The following NRDC variants were observed in gnomAD, a reference collection of about 807,000 sequenced individuals.
NRDC encodes nardilysin.
Under a neutral mutation model 147.1 loss-of-function variants are expected in NRDC, and 54 were observed. The ratio of observed to expected loss-of-function variants is 0.37; its 90% CI spans 0.29 to 0.46. The LOEUF is 0.46. Among genes scored for constraint, NRDC ranks in the 20% least tolerant of loss-of-function variants. NRDC has a pLI of 1.00. For missense variants in NRDC, 1,082 were observed against 1,370.6 expected (o/e 0.79, Z 3.33); for synonymous variants, 440 against 482.1 (o/e 0.91, Z 1.14).
intron 7 of NRDC, 83 bp downstream of exon 7, chr1:51,823,581 T>C: frequency 9.9e-7 from 1 of 1,014,628 alleles, no homozygotes; most frequent in Non-Finnish European, 1.4e-6. Context: ...TAATTAATAG[T>C]ACACTACAAC....
intron 9 of NRDC, 80 bp from the exon 10 acceptor site, chr1:51,818,215 A>G (rs1257398739): frequency 1.0e-5 from 9 of 888,480 alleles, no homozygotes; most frequent in Non-Finnish European, 1.3e-5. Context: ...AAAATTCAAT[A>G]TATTTATCCT....
rs531084802 is a variant in NRDC, at chr1:51,878,128, C to T, written c.341+147G>A. On this transcript the variant is annotated intron_variant, in intron 1 of 30. Coordinates refer to ENST00000352171, the MANE Select transcript of NRDC (RefSeq NM_001101662.2). ...GACACCACAGGGAAGCCTCTAATCA[C>T]GCTTGCCACCTCCACCCAAGGAAGC... is the stretch of plus-strand genomic sequence containing the variant. 62 of 1,417,922 alleles carry T rather than the reference C, an allele frequency of 4.4e-5. No homozygotes were observed. The East Asian group carries it at 1.1e-3, about 25-fold the overall frequency. 87.8% of individuals were successfully genotyped at this position (1,417,922 alleles called of 1,614,324 possible). A position where few individuals can be genotyped will look rare whatever the true frequency, so the allele number is the denominator to read the frequency against.
At chr1:51,867,627 C>T (rs1316053953) in intron 1 of NRDC, among the ~76,000 whole-genome samples, 1 of 152,038 alleles carries the variant, frequency 6.6e-6, no homozygotes, top group African/African-American at 2.4e-5. Flanking sequence ...TGAAAGTCAA[C>T]TGATCAAAGC....
intron 27 of NRDC, among the ~76,000 whole-genome samples, chr1:51,791,222 A>G (rs746494984): frequency 1.3e-4 from 20 of 152,172 alleles, no homozygotes; most frequent in Non-Finnish European, 2.5e-4. Context: ...TATCCTCATA[A>G]TGAAGCAGTC....
chr1:51,791,333 G>C (rs1211872914), intron 27 of NRDC, among the ~76,000 whole-genome samples: 2 of 152,188 alleles, frequency 1.3e-5, no homozygotes, highest in Admixed American at 1.3e-4. Flanking sequence ...TCTGCCTGAA[G>C]AGAAGAAACA....
intron 1 of NRDC, among the ~76,000 whole-genome samples, chr1:51,867,415 G>A (rs1682869076): frequency 6.6e-6 from 1 of 152,018 alleles, no homozygotes. Flanking sequence ...TAAAAAAAAA[G>A]AGTAAGAAAA....
chr1:51,866,033 G>A (rs1571921687), intron 1 of NRDC, among the ~76,000 whole-genome samples: 2 of 151,874 alleles, frequency 1.3e-5, no homozygotes, highest in East Asian at 1.9e-4. Context: ...CACAGCCTGG[G>A]CGACAGAGCA....
intron 21 of NRDC, chr1:51,799,179 A>C (rs1679069467): frequency 6.6e-6 from 1 of 152,168 alleles, no homozygotes; most frequent in Non-Finnish European, 1.5e-5. Context: ...CACCGTATCA[A>C]TGGTTGCAGA....
chr1:51,826,637 G>A (rs755345065), intron 5 of NRDC, among the ~76,000 whole-genome samples: 10 of 152,112 alleles, frequency 6.6e-5, no homozygotes, highest in Non-Finnish European at 1.3e-4. Flanking sequence ...TTATCAGCCG[G>A]GCGCAGTGGC....
chr1:51,790,274 A>C (rs1678543094), intron 29 of NRDC, among the ~76,000 whole-genome samples: 1 of 152,210 alleles, frequency 6.6e-6, no homozygotes, highest in Non-Finnish European at 1.5e-5. Context: ...AATCTTGTAG[A>C]CCTCAATATA....
chr1:51,818,399 T>G lies in NRDC; in HGVS notation c.1292-264A>C, dbSNP rs1272992749. Among the ~76,000 whole-genome samples, 3 of 152,214 alleles carry G rather than the reference T, an allele frequency of 2.0e-5. No individual in the cohort carries two copies. The East Asian group carries it at 5.8e-4, about 29-fold the overall frequency. On this transcript the variant is annotated intron_variant, in intron 9 of 30. Transcript: ENST00000352171. ...ATGCTGCTGTGTATGGATCTCTTCT[T>G]GCAAGAAAGGATACAAAACTAGGAG... is the stretch of plus-strand genomic sequence containing the variant.
At chr1:51,790,744 T>C (rs766698634) in intron 28 of NRDC, 95 bp from the exon 29 acceptor site, 1 of 1,013,480 alleles carries the variant, frequency 9.9e-7, no homozygotes, top group Non-Finnish European at 1.6e-6. Flanking sequence ...GTGATGGACA[T>C]GCCAGTATAA....
intron 1 of NRDC, among the ~76,000 whole-genome samples, chr1:51,853,847 T>G (rs1016954893): frequency 6.6e-6 from 1 of 152,238 alleles, no homozygotes; most frequent in Non-Finnish European, 1.5e-5. Flanking sequence ...TGACTGTCCC[T>G]AAGGACTGGT....
rs1201529185 is a variant in NRDC at position 51,790,471 on chromosome 1, G to A, written c.3168+62C>T. 6 of 987,888 alleles carry A rather than the reference G, an allele frequency of 6.1e-6. No individual in the cohort carries two copies. The African/African-American group carries it at 6.3e-5, about 10-fold the overall frequency. The allele number at this position is 987,888 out of a possible 1,614,324, so 61.2% of individuals were successfully genotyped here. On this transcript the variant is annotated intron_variant, in intron 29 of 30. Coordinates refer to ENST00000352171, the MANE Select transcript of NRDC (RefSeq NM_001101662.2). ...ACAATGCTGGTGTGCACAGACCTGT[G>A]ATGCCTGTAGAATCAGGAACCTTGA...
chr1:51,836,596 A>G (rs540363781), intron 2 of NRDC, among the ~76,000 whole-genome samples: 26 of 152,346 alleles, frequency 1.7e-4, no homozygotes, highest in African/African-American at 5.5e-4. Context: ...ATCTAGATAG[A>G]TATCTCTGAA....
chr1:51,789,701 A>G, intron 29 of NRDC, 44 bp from the exon 30 acceptor site: 1 of 1,391,130 alleles, frequency 7.2e-7, no homozygotes, highest in Non-Finnish European at 1.0e-6. Flanking sequence ...AAGAAGAAAG[A>G]TAGCTCTTAA....
chr1:51,838,845 A>G (rs1022057836), intron 2 of NRDC, among the ~76,000 whole-genome samples: 1 of 152,168 alleles, frequency 6.6e-6, no homozygotes, highest in Non-Finnish European at 1.5e-5. Flanking sequence ...AGACCTTAGC[A>G]TACAGACTAT....
In NRDC at chr1:51,810,318, G is replaced by A. The variant is rs1198775417; in HGVS notation, c.1866C>T (p.Leu622=). Residue 622 remains leucine (L), a synonymous_variant, in exon 16 of 31, where the codon CTC becomes CTT. Coordinates refer to ENST00000352171, the MANE Select transcript of NRDC (RefSeq NM_001101662.2). ...LSGANEGKCD[L]KEKWFGTQYS... is the part of the protein sequence containing the mutation. ...ATTGAGTTCCAAACCATTTCTCCTTGAGGTCACATTTTCCCTCATTAGCAC... is the reference window on the plus strand; with the variant it reads ...ATTGAGTTCCAAACCATTTCTCCTTAAGGTCACATTTTCCCTCATTAGCAC... The A allele has an allele frequency of 1.2e-6, 2 of 1,611,050 alleles. No individual in the cohort carries two copies. The highest frequency in any genetic ancestry group is 2.2e-5 in the South Asian group (2 of 90,828).
Position 51,834,025 on chromosome 1 carries a change from A to G in NRDC, c.858T>C (p.Ala286=), listed in dbSNP as rs2149217796. ...TATTTAGAGTTAGTTACCTATCAAG[A>G]GCTTCCTTGAAGTACTTCCTCTGGA... ...FDVQRKYFKE[A]LDRWAQFFIH... is the part of the protein sequence containing the mutation. Residue 286 remains alanine (A), a synonymous_variant, in exon 4 of 31, where the codon GCT becomes GCC. Transcript: ENST00000352171. 1 of 1,613,770 alleles carries G rather than the reference A, an allele frequency of 6.2e-7. No individual in the cohort carries two copies. Among genetic ancestry groups the G allele is most frequent in the Non-Finnish European group, 8.5e-7 (1 of 1,179,796 alleles).
Sources: gnomAD v4.1 joint callset for allele counts (sites outside exome capture counted in the v4.1 genomes callset) on GRCh38, gnomAD v4.1.1 for gene constraint, MANE v1.5 for transcripts, NCBI Gene and HGNC (gene_info 2026-07-23, HGNC 2026-07-21) for gene names.